The following CFAP99 variants were observed in gnomAD, a reference collection of about 807,000 sequenced individuals.
The protein encoded by CFAP99 is cilia- and flagella-associated protein 99.
A neutral mutation model predicts 82.7 loss-of-function variants in CFAP99; 84 were observed. That is an observed-to-expected ratio of 1.02 (90% CI 0.85 to 1.22). The LOEUF is 1.22. Ranked by LOEUF, CFAP99 falls within the 50% of genes most tolerant of loss-of-function variation. The pLI is 0.00. For missense variants in CFAP99, 1,059 were observed against 983.5 expected, an observed-to-expected ratio of 1.08 and a Z score of -1.03; for synonymous variants, 456 against 429.5, an observed-to-expected ratio of 1.06 and a Z score of -0.76.
intron 4 of CFAP99, among the ~76,000 whole-genome samples, chr4:2,438,553 C>T (rs547641142): frequency 7.0e-4 from 106 of 152,242 alleles, no homozygotes; most frequent in African/African-American, 2.2e-3. Context: ...TGAGCCACCA[C>T]GCCCGGCCTC....
intron 13 of CFAP99, 150 bp from the exon 14 acceptor site, chr4:2,459,887 T>C (rs1734573795): frequency 2.9e-6 from 2 of 694,582 alleles, no homozygotes; most frequent in Admixed American, 2.2e-5. Flanking sequence ...GAGCCCAGGC[T>C]GGAGAGGCTG....
At chr4:2,458,743 G>A (rs1402454307) in exon 12 of CFAP99, 5 of 1,535,202 alleles carry the variant, frequency 3.3e-6, no homozygotes, top group Non-Finnish European at 4.4e-6. Context: ...TGATGCTGCA[G>A]CGTGCAGAGA....
intron 4 of CFAP99, among the ~76,000 whole-genome samples, chr4:2,440,541 C>T (rs1314744523): frequency 6.6e-6 from 1 of 151,934 alleles, no homozygotes. Flanking sequence ...TGCTTGAGCC[C>T]AGGAGATCAA....
At chr4:2,430,090 A>G (rs113671884) in intron 2 of CFAP99, among the ~76,000 whole-genome samples, 2,785 of 71,006 alleles carry the variant, frequency 0.039, 96 homozygotes, top group East Asian at 0.14. Context: ...TGCGGACAGC[A>G]GACTGCGGTG....
chr4:2,433,176 G>A (rs77678538), intron 2 of CFAP99, among the ~76,000 whole-genome samples: 13 of 152,330 alleles, frequency 8.5e-5, no homozygotes, highest in African/African-American at 2.6e-4. Flanking sequence ...TGCCCAACCC[G>A]CCTTGCCTGG....
chr4:2,445,793 A>G (rs941407072), intron 6 of CFAP99, among the ~76,000 whole-genome samples: 2 of 152,220 alleles, frequency 1.3e-5, no homozygotes, highest in African/African-American at 4.8e-5. Flanking sequence ...ACTGGCTTAG[A>G]AAATAGAGCA....
At chr4:2,450,844 C>T (rs534543547) in intron 8 of CFAP99, 103 bp from the exon 9 acceptor site, 189 of 949,662 alleles carry the variant, frequency 2.0e-4, no homozygotes, top group Admixed American at 5.7e-4. Flanking sequence ...GAGGGGTGAG[C>T]CAGGCCTCCC....
intron 5 of CFAP99, 120 bp from the exon 6 acceptor site, chr4:2,445,011 A>G (rs1734128199): frequency 1.6e-6 from 1 of 644,442 alleles, no homozygotes; most frequent in East Asian, 3.4e-5. Context: ...CCATCCCACT[A>G]TCACCTCCAC....
At position 2,458,714 on chromosome 4, in the gene CFAP99, T is replaced by C. The variant is rs1578483692; in HGVS notation, c.1162-9T>C. ...CCCACTCACCGTGGCAGGTCCGCTGTCTGGGCAGATGGCCAAGCTGATGCT... is the reference window on the plus strand; with the variant it reads ...CCCACTCACCGTGGCAGGTCCGCTGCCTGGGCAGATGGCCAAGCTGATGCT... On this transcript the variant is annotated splice_polypyrimidine_tract_variant and intron_variant, in intron 11 of 14. Coordinates refer to ENST00000635017, the Ensembl canonical transcript of CFAP99. The C allele has an allele frequency of 1.3e-6, 2 of 1,531,030 alleles. No homozygotes were observed. Among genetic ancestry groups the C allele is most frequent in the Non-Finnish European group, 8.7e-7 (1 of 1,144,256 alleles). 94.8% of individuals were successfully genotyped at this position (1,531,030 alleles called of 1,614,324 possible).
chr4:2,462,816 C>G lies in CFAP99; in HGVS notation c.2035C>G (p.Leu679Val), dbSNP rs762706212. 2 of 1,336,082 alleles carry G rather than the reference C, an allele frequency of 1.5e-6. No individual in the cohort carries two copies. The highest frequency in any genetic ancestry group is 1.9e-6 in the Non-Finnish European group (2 of 1,045,518). The allele number at this position is 1,336,082 out of a possible 1,614,324, so 82.8% of individuals were successfully genotyped here. ...CGCGTTCCCCGGCCTGCAGGCGCAG[C>G]TAGAGGCGCAGCACTGGCTGGAGCT... The change falls in exon 15 of 15, where the codon CTA (leucine) becomes GTA (valine). Residue 679 changes from leucine to valine, a missense_variant. Coordinates refer to ENST00000635017, the Ensembl canonical transcript of CFAP99. The surrounding 1 kb of genome is among the most constrained non-coding windows in gnomAD (Gnocchi z 4.1).
intron 11 of CFAP99, 43 bp from the exon 12 acceptor site, chr4:2,458,680 C>T (rs574188083): frequency 7.0e-5 from 105 of 1,507,876 alleles, no homozygotes; most frequent in Middle Eastern, 2.2e-4. Flanking sequence ...GCAGGGAAGC[C>T]GGAGCAGCCC....
At chr4:2,447,512 GATGGATTA>G (rs1402062263) in intron 6 of CFAP99, among the ~76,000 whole-genome samples, 2 of 151,812 alleles carry the variant, frequency 1.3e-5, no homozygotes, top group Admixed American at 1.3e-4. Context: ...TGGGTAGATG[GATGGATTA>G]ATGGATAGAT....
At chr4:2,460,000 C>G in intron 13 of CFAP99, 37 bp from the exon 14 acceptor site, 2 of 1,527,824 alleles carry the variant, frequency 1.3e-6, no homozygotes, top group Non-Finnish European at 1.8e-6. Context: ...GGGCCCAGCA[C>G]AGCTCCCAGC....
At chr4:2,453,907 G>A (rs1194110404) in intron 11 of CFAP99, among the ~76,000 whole-genome samples, 2 of 151,598 alleles carry the variant, frequency 1.3e-5, no homozygotes, top group African/African-American at 2.4e-5. Flanking sequence ...TCCGCCTCCC[G>A]GGTTCAAGTG....
Position 2,462,598 on chromosome 4 carries a change from A to T in CFAP99, c.1817A>T (p.Lys606Met). The T allele has an allele frequency of 7.0e-7, 1 of 1,419,586 alleles. No homozygotes were observed. The highest frequency in any genetic ancestry group is 9.2e-7 in the Non-Finnish European group (1 of 1,089,756). 87.9% of individuals were successfully genotyped at this position (1,419,586 alleles called of 1,614,324 possible). A position where few individuals can be genotyped will look rare whatever the true frequency, so the allele number is the denominator to read the frequency against. Reference sequence around the variant, plus strand: ...TCGGCGCCGCGGACCGCGCGCCCCAAGCCCCGGGTGAGTCCGGATTGGTGG... The same window carrying T: ...TCGGCGCCGCGGACCGCGCGCCCCATGCCCCGGGTGAGTCCGGATTGGTGG... Residue 606 changes from lysine to methionine, a missense_variant, in exon 15 of 15, where the codon AAG becomes ATG. Physicochemically the swap from Lys to Met is moderately conservative, Grantham distance 95. Coordinates refer to ENST00000635017, the Ensembl canonical transcript of CFAP99. The surrounding 1 kb of genome is among the most constrained non-coding windows in gnomAD (Gnocchi z 4.1).
At chr4:2,431,746 T>TA (rs1398458346) in intron 2 of CFAP99, among the ~76,000 whole-genome samples, 6 of 39,848 alleles carry the variant, frequency 1.5e-4, no homozygotes, top group African/African-American at 4.6e-4. Flanking sequence ...ACTTTATTAT[T>TA]TTTTTTTTTT....
At chr4:2,460,462 C>T (rs1160744760) in intron 14 of CFAP99, among the ~76,000 whole-genome samples, 1 of 152,178 alleles carries the variant, frequency 6.6e-6, no homozygotes, top group East Asian at 1.9e-4. Context: ...AAGCCATGAC[C>T]CAGATGCAGT....
chr4:2,447,962 T>C (rs1734209845), intron 6 of CFAP99, among the ~76,000 whole-genome samples: 1 of 150,750 alleles, frequency 6.6e-6, no homozygotes, highest in African/African-American at 2.4e-5. Context: ...GATGGATGGA[T>C]GGATGGATGG....
intron 2 of CFAP99, among the ~76,000 whole-genome samples, chr4:2,435,558 G>A (rs1733889424): frequency 6.6e-6 from 1 of 152,126 alleles, no homozygotes; most frequent in African/African-American, 2.4e-5. Flanking sequence ...ATCATTTACA[G>A]TATCGTAGAA....
Sources: gnomAD v4.1 joint callset for allele counts (sites outside exome capture counted in the v4.1 genomes callset) on GRCh38, gnomAD v4.1.1 for gene constraint, Gnocchi (gnomAD v3.1) non-coding constraint, MANE v1.5 for transcripts, NCBI Gene and HGNC (gene_info 2026-07-23, HGNC 2026-07-21) for gene names.